Variants in TSHZ2 observed in about 807,000 individuals in gnomAD.
TSHZ2 encodes the protein teashirt homolog 2.
A neutral mutation model predicts 74.4 loss-of-function variants in TSHZ2; 21 were observed. That is an observed-to-expected ratio of 0.28 (90% CI 0.20 to 0.41). The LOEUF is 0.41. Among genes scored for constraint, TSHZ2 ranks in the 10% least tolerant of loss-of-function variants. The pLI is 1.00. For missense variants in TSHZ2, 1,244 were observed against 1,293.5 expected, an observed-to-expected ratio of 0.96 and a Z score of 0.59; for synonymous variants, 540 against 515.3, an observed-to-expected ratio of 1.05 and a Z score of -0.65.
At chr20:53,088,555 CCT>C (rs1025243782) in intron 1 of TSHZ2, among the ~76,000 whole-genome samples, 8 of 152,104 alleles carry the variant, frequency 5.3e-5, no homozygotes, top group African/African-American at 1.9e-4. Flanking sequence ...GTTGTAGTTG[CCT>C]TTGTTCCGCT....
intron 2 of TSHZ2, among the ~76,000 whole-genome samples, chr20:53,369,411 A>T (rs1051953842): frequency 6.6e-6 from 1 of 152,168 alleles, no homozygotes; most frequent in African/African-American, 2.4e-5. Context: ...ATAGTCATTG[A>T]AAGTCCCTGA....
intron 1 of TSHZ2, among the ~76,000 whole-genome samples, chr20:52,976,922 T>C (rs928642144): frequency 6.6e-6 from 1 of 152,234 alleles, no homozygotes; most frequent in African/African-American, 2.4e-5. Flanking sequence ...TCCCTCAATT[T>C]ATTTTGTTTA....
At chr20:53,096,727 C>A (rs934899445) in intron 1 of TSHZ2, among the ~76,000 whole-genome samples, 1 of 151,664 alleles carries the variant, frequency 6.6e-6, no homozygotes, top group African/African-American at 2.4e-5. Flanking sequence ...ACTAAAAATA[C>A]AAAACTTAGC....
Position 53,106,391 on chromosome 20 carries a change from C to CTTTTTTTTTTTTTTTT in TSHZ2, c.40+133074_40+133089dup, listed in dbSNP as rs71194458. Among the ~76,000 whole-genome samples, 6 of 58,980 alleles carry CTTTTTTTTTTTTTTTT rather than the reference C, an allele frequency of 1.0e-4. 1 individual carries two copies. Among genetic ancestry groups the CTTTTTTTTTTTTTTTT allele is most frequent in the African/African-American group, 3.5e-4 (5 of 14,284 alleles). 38.7% of individuals were successfully genotyped at this position (58,980 alleles called of 152,430 possible). The stretch of plus-strand genomic sequence containing the variant: ...TTCCTCTAGGGCCTTCTCACACTTT[C>CTTTTTTTTTTTTTTTT]TTTTTTTTTTTTTTTTTTTTTTTTT... On this transcript the variant is annotated intron_variant, in intron 1 of 2. Transcript: ENST00000371497.
intron 1 of TSHZ2, among the ~76,000 whole-genome samples, chr20:53,064,543 G>A (rs1470620073): frequency 6.6e-6 from 1 of 152,072 alleles, no homozygotes; most frequent in African/African-American, 2.4e-5. Context: ...TGAGGCAAGA[G>A]GATTTCAGGA....
intron 2 of TSHZ2, among the ~76,000 whole-genome samples, chr20:53,323,563 CTTTTTTTTTTTTTT>C (rs34687825): frequency 2.5e-4 from 9 of 36,662 alleles, no homozygotes; most frequent in Admixed American, 9.6e-4. Context: ...CCTTGGAGGG[CTTTTTTTTTTTTTT>C]TTTTTTTTTT....
chr20:53,446,766 G>A (rs1227157429), intron 2 of TSHZ2, among the ~76,000 whole-genome samples: 2 of 152,116 alleles, frequency 1.3e-5, no homozygotes, highest in Non-Finnish European at 2.9e-5. Context: ...CCCCTGGTAA[G>A]GCAGGTATCC....
intron 1 of TSHZ2, among the ~76,000 whole-genome samples, chr20:53,194,476 A>C (rs1008243563): frequency 6.6e-6 from 1 of 152,332 alleles, no homozygotes; most frequent in East Asian, 1.9e-4. Flanking sequence ...GACATGATTT[A>C]TGGTTAGTCT....
chr20:53,458,109 G>C (rs972011905), intron 2 of TSHZ2, among the ~76,000 whole-genome samples: 4 of 151,816 alleles, frequency 2.6e-5, no homozygotes, highest in African/African-American at 9.7e-5. Flanking sequence ...TTTTTCTATT[G>C]ATTGGAATAG....
intron 1 of TSHZ2, among the ~76,000 whole-genome samples, chr20:53,206,392 G>A (rs1309369757): frequency 6.6e-6 from 1 of 152,140 alleles, no homozygotes; most frequent in African/African-American, 2.4e-5. Context: ...CGATGATGAG[G>A]ATAATGATTT....
In TSHZ2 at chr20:53,374,665, T is replaced by G. The variant is rs911717165; in HGVS notation, c.*9-112479T>G. 7.9e-5 allele frequency among the ~76,000 whole-genome samples: 12 copies of G among 152,298 alleles called. No individual in the cohort carries two copies. The South Asian group carries it at 1.0e-3, about 13-fold the overall frequency. On this transcript the variant is annotated intron_variant, in intron 2 of 2. Transcript: ENST00000371497. ...CAGAATCTGTTTTTGTTTTGTTTTG[T>G]TTTGGTTCTTAAGAGCCATTTGCAC...
At chr20:53,422,711 G>A (rs1377332179) in intron 2 of TSHZ2, among the ~76,000 whole-genome samples, 4 of 151,934 alleles carry the variant, frequency 2.6e-5, no homozygotes, top group Non-Finnish European at 4.4e-5. Context: ...TTACAATCTC[G>A]AGTCCAAAAA....
At chr20:53,320,151 AG>A (rs1195979172) in intron 2 of TSHZ2, among the ~76,000 whole-genome samples, 2 of 152,230 alleles carry the variant, frequency 1.3e-5, no homozygotes. Context: ...ACCTCAGCAA[AG>A]CACGTACTGT....
chr20:53,221,560 G>A (rs1600749975), intron 1 of TSHZ2, among the ~76,000 whole-genome samples: 1 of 152,168 alleles, frequency 6.6e-6, no homozygotes. Context: ...ATGGCCAAGG[G>A]CTTGTTACTG....
At chr20:53,372,166 G>A (rs1981497904) in intron 2 of TSHZ2, among the ~76,000 whole-genome samples, 1 of 152,102 alleles carries the variant, frequency 6.6e-6, no homozygotes, top group African/African-American at 2.4e-5. Context: ...CAATTTTGAG[G>A]TGACTCTCTT....
At chr20:53,361,203 T>C (rs551760850) in intron 2 of TSHZ2, among the ~76,000 whole-genome samples, 1 of 152,376 alleles carries the variant, frequency 6.6e-6, no homozygotes, top group East Asian at 1.9e-4. Flanking sequence ...ACCCCAGTGA[T>C]GAGCAAACTC....
intron 2 of TSHZ2, among the ~76,000 whole-genome samples, chr20:53,257,698 C>T (rs1318142466): frequency 1.3e-5 from 2 of 152,240 alleles, no homozygotes; most frequent in Non-Finnish European, 2.9e-5. Context: ...TGGTCCTCCA[C>T]CTTCGGCCAT....
chr20:53,405,209 A>G (rs1248019409), intron 2 of TSHZ2, among the ~76,000 whole-genome samples: 1 of 148,552 alleles, frequency 6.7e-6, no homozygotes, highest in Non-Finnish European at 1.5e-5. Context: ...AGATTGCACC[A>G]TGGCACTCCA....
chr20:53,116,136 T>C (rs1421267179), intron 1 of TSHZ2, among the ~76,000 whole-genome samples: 5 of 152,234 alleles, frequency 3.3e-5, no homozygotes, highest in Non-Finnish European at 7.3e-5. Flanking sequence ...TCTTTAATGG[T>C]TCTTATCAGA....
Sources: allele counts gnomAD v4.1 joint callset (sites outside exome capture counted in the v4.1 genomes callset), GRCh38; gene constraint gnomAD v4.1.1; transcripts MANE v1.5; gene names NCBI Gene and HGNC (gene_info 2026-07-23, HGNC 2026-07-21).